FXR2: variants seen among roughly 807,000 people sequenced by gnomAD.
FXR2 encodes the protein FMR1 autosomal homolog 2, also known as RNA-binding protein FXR2.
FXR2 carries 9 observed loss-of-function variants against 87.3 expected under a neutral mutation model. That is an observed-to-expected ratio of 0.10 (90% confidence interval 0.06 to 0.18). The LOEUF (loss-of-function observed/expected upper bound fraction) is 0.18, where lower values mean the gene tolerates loss of function less well. Among genes scored for constraint, FXR2 ranks in the 10% least tolerant of loss-of-function variants. The pLI is 1.00. For missense variants in FXR2, 661 were observed against 893.6 expected (o/e 0.74, Z 3.32); for synonymous variants, 331 against 328.3 (o/e 1.01, Z -0.09).
rs186329288 is a variant in FXR2 at position 7,605,387 on chromosome 17, C to A, written c.228+258G>T. Reference sequence around the variant, plus strand: ...CATCTCAAAACAACAACAACAACAACAACAAAAAAATCAGAGGGCACTGGA... The same window carrying A: ...CATCTCAAAACAACAACAACAACAAAAACAAAAAAATCAGAGGGCACTGGA... On this transcript the variant is annotated intron_variant, in intron 3 of 16. Coordinates refer to ENST00000250113, the MANE Select transcript of FXR2 (RefSeq NM_004860.4). Among the ~76,000 whole-genome samples the A allele has an allele frequency of 4.8e-4, 73 of 152,004 alleles. 1 individual carries two copies. The highest frequency in any genetic ancestry group is 1.5e-3 in the African/African-American group (64 of 41,462).
chr17:7,594,496 G>C lies in FXR2; in HGVS notation c.911-149C>G, dbSNP rs1312560284. 1.5e-6 allele frequency: 1 copy of C among 669,060 alleles called. No individual in the cohort carries two copies. The allele number at this position is 669,060 out of a possible 1,614,324, so 41.4% of individuals were successfully genotyped here. A position where few individuals can be genotyped will look rare whatever the true frequency, so the allele number is the denominator to read the frequency against. Reference sequence around the variant, plus strand: ...CTAGGTTTCTGATGTGTTTTTACAGGACAAAATGTTACAATCCCTAGAAAT... The same window carrying C: ...CTAGGTTTCTGATGTGTTTTTACAGCACAAAATGTTACAATCCCTAGAAAT... On this transcript the variant is annotated intron_variant, in intron 9 of 16. Transcript: ENST00000250113. The surrounding 1 kb of genome is among the most constrained non-coding windows in gnomAD (Gnocchi z 5.1).
At position 7,594,567 on chromosome 17, in the gene FXR2, C is replaced by A. The variant is rs2071692398; in HGVS notation, c.910+112G>T. The stretch of plus-strand genomic sequence containing the variant: ...CTCCCATTACAGACTGTTTCTCTGT[C>A]CTTGTGAAACTGGGAGTCCACAGGG... On this transcript the variant is annotated intron_variant, in intron 9 of 16. Transcript: ENST00000250113. This position sits in a 1 kb window ranked among gnomAD's most constrained non-coding sequence, Gnocchi z 5.1. 2.6e-6 allele frequency: 2 copies of A among 781,994 alleles called. No homozygotes were observed. The highest frequency in any genetic ancestry group is 1.7e-5 in the African/African-American group (1 of 58,224). The allele number at this position is 781,994 out of a possible 1,614,324, so 48.4% of individuals were successfully genotyped here.
At chr17:7,603,513 G>A (rs1216879327) in intron 5 of FXR2, among the ~76,000 whole-genome samples, 1 of 127,498 alleles carries the variant, frequency 7.8e-6, no homozygotes, top group Non-Finnish European at 1.6e-5. Context: ...GGCAACAAGA[G>A]CAAAACTCTG....
In FXR2 at chr17:7,602,602, A is replaced by T. The variant is rs1175771632; in HGVS notation, c.543+307T>A. The T allele has an allele frequency of 9.0e-5, 17 of 188,646 alleles. No homozygotes were observed. The South Asian group carries it at 1.8e-3, about 20-fold the overall frequency. The allele number at this position is 188,646 out of a possible 1,614,324, so 11.7% of individuals were successfully genotyped here. A position where few individuals can be genotyped will look rare whatever the true frequency, so the allele number is the denominator to read the frequency against. ...AAAATTAGCCGGCGTGGTGACGCAC[A>T]CCTGTAATCCCAGCTACTCAGGAGG... On this transcript the variant is annotated intron_variant, in intron 6 of 16. Coordinates refer to ENST00000250113, the MANE Select transcript of FXR2 (RefSeq NM_004860.4).
Position 7,595,797 on chromosome 17 carries a change from C to A in FXR2, c.831+27G>T, listed in dbSNP as rs1463615727. 15 of 1,598,396 alleles carry A rather than the reference C, an allele frequency of 9.4e-6. No individual in the cohort carries two copies. The highest frequency in any genetic ancestry group is 1.3e-5 in the Non-Finnish European group (15 of 1,166,688). On this transcript the variant is annotated intron_variant, in intron 8 of 16. Transcript: ENST00000250113. The surrounding 1 kb of genome is among the most constrained non-coding windows in gnomAD (Gnocchi z 4.7). ...TCTCTTCCCTCTATCCCCTAAGAGACCCAGAAGAAAGACATCCTTTGCTGA... is the reference window on the plus strand; with the variant it reads ...TCTCTTCCCTCTATCCCCTAAGAGAACCAGAAGAAAGACATCCTTTGCTGA...
rs2071668867 is a variant in FXR2 at position 7,592,285 on chromosome 17, T to G, written c.1895A>C (p.Lys632Thr). 1 of 1,613,024 alleles carries G rather than the reference T, an allele frequency of 6.2e-7. No homozygotes were observed. Among genetic ancestry groups the G allele is most frequent in the Non-Finnish European group, 8.5e-7 (1 of 1,178,996 alleles). Residue 632 changes from lysine to threonine, a missense_variant, in exon 16 of 17, where the codon AAA becomes ACA. This residue lies in a region of FXR2 where 409 missense variants were observed against 432.0 expected (regional missense o/e 0.95). Coordinates refer to ENST00000250113, the MANE Select transcript of FXR2 (RefSeq NM_004860.4). The surrounding 1 kb of genome is among the most constrained non-coding windows in gnomAD (Gnocchi z 4.8). ...TCCTGAAAGAGAGTCTTCTGAGGGT[T>G]TAGTGCGTTCCAGGGGTGGCCTCTG... ...SRQRPPLERT[K>T]PSEDSLSGQK...
chr17:7,608,274 T>C (rs964142895), intron 1 of FXR2, among the ~76,000 whole-genome samples: 1 of 151,524 alleles, frequency 6.6e-6, no homozygotes, highest in East Asian at 1.9e-4. Context: ...CCTAAAGATA[T>C]CTTGTTCCAG....
rs757413563 is a variant in FXR2 at position 7,593,473 on chromosome 17, A to G, written c.1260T>C (p.His420=). The change falls in exon 12 of 17, where the codon CAT becomes CAC. Residue 420 remains histidine (H), a synonymous_variant. Coordinates refer to ENST00000250113, the MANE Select transcript of FXR2 (RefSeq NM_004860.4). This position sits in a 1 kb window ranked among gnomAD's most constrained non-coding sequence, Gnocchi z 6.1. ...STDESSSSSL[H]ATRTYGGSYG... is the part of the protein sequence containing the mutation. ...AGCTGCCCCCATAGGTTCGAGTCGC[A>G]TGGAGGGAGGAGGAGGAGCTCTCAT... 7.5e-6 allele frequency: 12 copies of G among 1,590,248 alleles called. No individual in the cohort carries two copies. The South Asian group carries it at 1.3e-4, about 17-fold the overall frequency.
intron 5 of FXR2, 40 bp from the exon 6 acceptor site, chr17:7,603,042 A>C (rs760139829): frequency 1.0e-6 from 1 of 994,802 alleles, no homozygotes; most frequent in Non-Finnish European, 1.6e-6. Context: ...GAATGCAGAG[A>C]GTACAGTGAA....
intron 7 of FXR2, among the ~76,000 whole-genome samples, chr17:7,598,200 C>T (rs1428927687): frequency 6.6e-6 from 1 of 152,120 alleles, no homozygotes; most frequent in Admixed American, 6.6e-5. Context: ...CCTGTAATCC[C>T]AGCACTTTGG....
In FXR2 at chr17:7,592,524, A is replaced by G; in HGVS notation, c.1805T>C (p.Ile602Thr). 6.2e-7 allele frequency: 1 copy of G among 1,613,940 alleles called. No individual in the cohort carries two copies. Among genetic ancestry groups the G allele is most frequent in the Non-Finnish European group, 8.5e-7 (1 of 1,179,828 alleles). The change falls in exon 15 of 17, where the codon ATC becomes ACC. Residue 602 changes from isoleucine to threonine, a missense_variant. Coordinates refer to ENST00000250113, the MANE Select transcript of FXR2 (RefSeq NM_004860.4). This position sits in a 1 kb window ranked among gnomAD's most constrained non-coding sequence, Gnocchi z 4.8. ...RNRGNRTDGSISGDRQPVTVA... is the reference protein window; with the variant it reads ...RNRGNRTDGSTSGDRQPVTVA... ...CTGACCTGGCTGGCGGTCTCCACTGATAGAGCCATCAGTCCGATTACCACG... is the reference window on the plus strand; with the variant it reads ...CTGACCTGGCTGGCGGTCTCCACTGGTAGAGCCATCAGTCCGATTACCACG...
At chr17:7,610,053 C>CATGTATATGTAT (rs2071850109) in intron 1 of FXR2, among the ~76,000 whole-genome samples, 1 of 115,126 alleles carries the variant, frequency 8.7e-6, no homozygotes, top group South Asian at 3.3e-4. Context: ...TATATACACA[C>CATGTATATGTAT]ACACACACAC....
intron 1 of FXR2, among the ~76,000 whole-genome samples, chr17:7,606,723 GTTT>G (rs1350035401): frequency 6.6e-6 from 1 of 151,988 alleles, no homozygotes; most frequent in African/African-American, 2.4e-5. Context: ...AAAAACATCG[GTTT>G]TTTAATACTA....
chr17:7,592,627 C>T lies in FXR2; in HGVS notation c.1730-28G>A. ...GTAGGGTAGGAAAAAACCAGAGTCACACATCCAACCTCCCACCCTCGATTC... is the reference window on the plus strand; with the variant it reads ...GTAGGGTAGGAAAAAACCAGAGTCATACATCCAACCTCCCACCCTCGATTC... On this transcript the variant is annotated intron_variant, in intron 14 of 16. Transcript: ENST00000250113. This position sits in a 1 kb window ranked among gnomAD's most constrained non-coding sequence, Gnocchi z 4.8. The T allele has an allele frequency of 6.2e-7, 1 of 1,612,836 alleles. No individual in the cohort carries two copies. The highest frequency in any genetic ancestry group is 8.5e-7 in the Non-Finnish European group (1 of 1,178,968).
At chr17:7,603,225 A>G (rs542215419) in intron 5 of FXR2, among the ~76,000 whole-genome samples, 1 of 151,904 alleles carries the variant, frequency 6.6e-6, no homozygotes, top group East Asian at 1.9e-4. Flanking sequence ...GGCTGAGTAA[A>G]TAAGAAAAGA....
chr17:7,599,169 A>T (rs2071732332), intron 7 of FXR2, among the ~76,000 whole-genome samples: 1 of 151,124 alleles, frequency 6.6e-6, no homozygotes, highest in Admixed American at 6.6e-5. Flanking sequence ...GTATGGTGGC[A>T]TGCACCTGTA....
intron 1 of FXR2, among the ~76,000 whole-genome samples, chr17:7,609,997 T>C (rs2071845234): frequency 7.4e-6 from 1 of 134,946 alleles, no homozygotes; most frequent in South Asian, 2.4e-4. Context: ...TATACATGTA[T>C]ATGTATACAT....
Position 7,606,367 on chromosome 17 carries a change from CCTG to C in FXR2, c.82-221_82-219del, listed in dbSNP as rs148502922. ...TTGTCATGGAGAGGTGTATGTACCA[CCTG>C]CATCAGAACAGCCTGGAAACCAATG... is the stretch of plus-strand genomic sequence containing the variant. On this transcript the variant is annotated intron_variant, in intron 1 of 16. Coordinates refer to ENST00000250113, the MANE Select transcript of FXR2 (RefSeq NM_004860.4). Among the ~76,000 whole-genome samples the C allele has an allele frequency of 5.6e-3, 846 of 152,258 alleles. 10 individuals carry two copies. The highest frequency in any genetic ancestry group is 0.019 in the African/African-American group (798 of 41,554).
chr17:7,614,395 G>T, intron 1 of FXR2, 57 bp downstream of exon 1: 1 of 1,294,188 alleles, frequency 7.7e-7, no homozygotes, highest in Non-Finnish European at 1.1e-6. Context: ...ACGCGTTCCT[G>T]CTCCGGCCAG....
Sources: allele counts gnomAD v4.1 joint callset (sites outside exome capture counted in the v4.1 genomes callset), GRCh38; gene constraint gnomAD v4.1.1; regional missense constraint gnomAD v4.1.1; non-coding constraint Gnocchi (gnomAD v3.1); transcripts MANE v1.5; gene names NCBI Gene and HGNC (gene_info 2026-07-23, HGNC 2026-07-21).